CORIN: variants seen among roughly 807,000 people sequenced by gnomAD.
CORIN encodes corin, serine peptidase.
CORIN carries 117 observed loss-of-function variants against 125.3 expected under a neutral mutation model. That is an observed-to-expected ratio of 0.93 (90% CI 0.80 to 1.09). The LOEUF (loss-of-function observed/expected upper bound fraction) is 1.09. CORIN is among the 50% of genes least tolerant of loss of function. The probability of loss-of-function intolerance (pLI) is 0.00; values close to 1 mark genes in which losing one functional copy is unlikely to be tolerated. For missense variants in CORIN, 1,253 were observed against 1,306.7 expected (o/e 0.96, Z 0.63); for synonymous variants, 450 against 466.4 (o/e 0.96, Z 0.45).
At chr4:47,623,528 T>C in intron 19 of CORIN, 43 bp downstream of exon 19, 1 of 1,593,344 alleles carries the variant, frequency 6.3e-7, no homozygotes, top group Non-Finnish European at 8.6e-7. Flanking sequence ...AGTGACAAAG[T>C]GATCAAATCC....
intron 5 of CORIN, chr4:47,706,430 G>C: frequency 1.2e-6 from 2 of 1,609,806 alleles, no homozygotes; most frequent in Non-Finnish European, 1.7e-6. Context: ...GATGTCACGC[G>C]CTTTCTTCTG....
chr4:47,665,352 T>C lies in CORIN; in HGVS notation c.1358-89A>G. 6 of 947,730 alleles carry C rather than the reference T, an allele frequency of 6.3e-6. No homozygotes were observed. The South Asian group carries it at 9.9e-5, about 16-fold the overall frequency. 58.7% of individuals were successfully genotyped at this position (947,730 alleles called of 1,614,324 possible). A position where few individuals can be genotyped will look rare whatever the true frequency, so the allele number is the denominator to read the frequency against. On this transcript the variant is annotated intron_variant, in intron 10 of 21. Transcript: ENST00000273857. ...TTTACAAACTTGAAGTCTATTTTAT[T>C]CTTTCTTTAGAGTAGCTAAGACTAG...
At chr4:47,617,685 C>T (rs1722119552) in intron 19 of CORIN, among the ~76,000 whole-genome samples, 1 of 152,084 alleles carries the variant, frequency 6.6e-6, no homozygotes, top group Non-Finnish European at 1.5e-5. Context: ...TGGGAATGGG[C>T]CAAATCCTTA....
At chr4:47,730,337 G>A (rs1464688940) in intron 5 of CORIN, among the ~76,000 whole-genome samples, 1 of 152,058 alleles carries the variant, frequency 6.6e-6, no homozygotes, top group Non-Finnish European at 1.5e-5. Context: ...GCCAGGCGTG[G>A]TGGCGGCTGC....
chr4:47,627,530 T>G (rs1427221347), intron 16 of CORIN, among the ~76,000 whole-genome samples: 1 of 152,186 alleles, frequency 6.6e-6, no homozygotes, highest in Non-Finnish European at 1.5e-5. Context: ...ATAAATTTAT[T>G]TAGAAATTTG....
At chr4:47,823,185 G>T (rs1446509846) in intron 1 of CORIN, among the ~76,000 whole-genome samples, 2 of 152,254 alleles carry the variant, frequency 1.3e-5, no homozygotes, top group East Asian at 3.9e-4. Flanking sequence ...TTTATAATTT[G>T]TTACTATCAT....
At chr4:47,622,836 T>C (rs1722376921) in intron 19 of CORIN, among the ~76,000 whole-genome samples, 1 of 152,064 alleles carries the variant, frequency 6.6e-6, no homozygotes, top group African/African-American at 2.4e-5. Flanking sequence ...CATAAGCCAA[T>C]TATGTCAAAA....
intron 13 of CORIN, among the ~76,000 whole-genome samples, chr4:47,652,128 TTTTGA>T (rs1338864279): frequency 1.3e-5 from 2 of 152,200 alleles, no homozygotes; most frequent in Admixed American, 1.3e-4. Context: ...ATTCAATGAA[TTTTGA>T]TTTATTTCTT....
chr4:47,811,960 T>C (rs1284835676), intron 1 of CORIN, among the ~76,000 whole-genome samples: 2 of 152,228 alleles, frequency 1.3e-5, no homozygotes, highest in African/African-American at 2.4e-5. Context: ...ATGTAGTGTA[T>C]CAGTGTATAT....
chr4:47,757,866 ACATATATATATG>A (rs1318090750), intron 4 of CORIN, among the ~76,000 whole-genome samples: 22 of 107,920 alleles, frequency 2.0e-4, no homozygotes, highest in African/African-American at 7.6e-4. Flanking sequence ...ACATATATAT[ACATATATATATG>A]TATATATATA....
At chr4:47,646,012 G>A (rs1251700822) in intron 13 of CORIN, among the ~76,000 whole-genome samples, 3 of 128,054 alleles carry the variant, frequency 2.3e-5, no homozygotes, top group Non-Finnish European at 4.7e-5. Flanking sequence ...GAAGTGGCAC[G>A]TTCTTGGCTC....
chr4:47,795,409 A>G (rs1178774492), intron 2 of CORIN, among the ~76,000 whole-genome samples: 1 of 152,112 alleles, frequency 6.6e-6, no homozygotes, highest in Non-Finnish European at 1.5e-5. Flanking sequence ...TCCTCCAGTC[A>G]ATGAATATTA....
At chr4:47,619,953 T>C (rs879943564) in intron 19 of CORIN, among the ~76,000 whole-genome samples, 3 of 152,340 alleles carry the variant, frequency 2.0e-5, no homozygotes, top group South Asian at 2.1e-4. Flanking sequence ...TGACATACTA[T>C]GCAGACTCTT....
chr4:47,600,397 AAGTGAGGCT>A, intron 20 of CORIN, 50 bp from the exon 21 acceptor site: 1 of 1,415,466 alleles, frequency 7.1e-7, no homozygotes, highest in Non-Finnish European at 9.6e-7. Context: ...AATGACTCAA[AAGTGAGGCT>A]AGTGAGGCTA....
At chr4:47,688,846 T>C (rs1395151365) in intron 6 of CORIN, among the ~76,000 whole-genome samples, 1 of 152,208 alleles carries the variant, frequency 6.6e-6, no homozygotes, top group Non-Finnish European at 1.5e-5. Flanking sequence ...ACTTCTTCCA[T>C]AAGCATAGAG....
intron 7 of CORIN, chr4:47,683,238 G>A (rs1725366884): frequency 6.6e-6 from 1 of 152,418 alleles, no homozygotes; most frequent in South Asian, 2.1e-4. Flanking sequence ...AGATCACCAT[G>A]TGTACACAAA....
At chr4:47,655,069 AC>A (rs373750687) in intron 12 of CORIN, among the ~76,000 whole-genome samples, 3 of 152,210 alleles carry the variant, frequency 2.0e-5, no homozygotes, top group African/African-American at 7.2e-5. Flanking sequence ...CATATCTTCA[AC>A]CAAAAGGGAA....
chr4:47,836,815 G>C (rs534588330), intron 1 of CORIN, among the ~76,000 whole-genome samples: 1 of 152,284 alleles, frequency 6.6e-6, no homozygotes, highest in African/African-American at 2.4e-5. Flanking sequence ...CGCCTGCCAC[G>C]GGAGCTCAGG....
intron 5 of CORIN, among the ~76,000 whole-genome samples, chr4:47,722,842 G>A (rs1361008840): frequency 1.3e-5 from 2 of 152,060 alleles, no homozygotes; most frequent in African/African-American, 2.4e-5. Flanking sequence ...AATTGTCTGT[G>A]GTATCCAAAC....
Sources: allele counts gnomAD v4.1 joint callset (sites outside exome capture counted in the v4.1 genomes callset), GRCh38; gene constraint gnomAD v4.1.1; transcripts MANE v1.5; gene names NCBI Gene and HGNC (gene_info 2026-07-23, HGNC 2026-07-21).